Variants in BICC1 observed in about 807,000 individuals in gnomAD.
The protein encoded by BICC1 is protein bicaudal C homolog 1.
In BICC1, 43 loss-of-function variants were observed where a neutral mutation model predicts 111.0. The observed-to-expected ratio is 0.39, with a 90% CI of 0.30 to 0.50. The LOEUF (loss-of-function observed/expected upper bound fraction) is 0.50. Ranked by LOEUF, BICC1 falls within the 20% of genes least tolerant of loss-of-function variation. The pLI is 0.88. For synonymous variants in BICC1, 467 were observed against 434.4 expected, an observed-to-expected ratio of 1.07 and a Z score of -0.93; for missense variants, 1,091 against 1,203.2, an observed-to-expected ratio of 0.91 and a Z score of 1.38.
intron 3 of BICC1, among the ~76,000 whole-genome samples, chr10:58,778,813 G>T (rs1273423866): frequency 6.6e-6 from 1 of 152,168 alleles, no homozygotes; most frequent in Non-Finnish European, 1.5e-5. Context: ...ACTATGTGTG[G>T]CTTGGGCTCT....
chr10:58,526,697 C>T (rs555110596), intron 1 of BICC1, among the ~76,000 whole-genome samples: 44 of 152,202 alleles, frequency 2.9e-4, no homozygotes, highest in Non-Finnish European at 4.9e-4. Context: ...TCTGTCCTTG[C>T]GATAGTTTGC....
rs919618692 is a variant in BICC1, at chr10:58,796,485, T to A, written c.1325T>A (p.Leu442Gln). 8 of 1,614,050 alleles carry A rather than the reference T, an allele frequency of 5.0e-6. No individual in the cohort carries two copies. Among genetic ancestry groups the A allele is most frequent in the Non-Finnish European group, 6.8e-6 (8 of 1,179,970 alleles). Residue 442 changes from leucine (L) to glutamine (Q), a missense_variant, in exon 10 of 21, where the codon CTG becomes CAG. By Grantham distance (113) the Leu-to-Gln change is moderately radical. Coordinates refer to ENST00000373886, the MANE Select transcript of BICC1 (RefSeq NM_001080512.3). ...CCTGCCGGCCTGGCATGTCCCAGCC[T>A]GGATATCTTAGCTTCAGCAGGCCTT... ...SCPAGLACPSLDILASAGLGL... is the reference protein window; with the variant it reads ...SCPAGLACPSQDILASAGLGL...
At chr10:58,739,431 C>A (rs187978998) in intron 3 of BICC1, among the ~76,000 whole-genome samples, 90 of 152,260 alleles carry the variant, frequency 5.9e-4, no homozygotes, top group African/African-American at 1.9e-3. Context: ...AGGGATGAAG[C>A]CAACTTGATC....
rs190257792 is a variant in BICC1, at chr10:58,616,654, G to A, written c.191-4201G>A. ...GACACCAGCACAGATAACGTTTTGG[G>A]CATGGATATTTCACATGGCTTGGCA... On this transcript the variant is annotated intron_variant, in intron 1 of 20. Coordinates refer to ENST00000373886, the MANE Select transcript of BICC1 (RefSeq NM_001080512.3). Among the ~76,000 whole-genome samples, 351 of 152,318 alleles carry A rather than the reference G, an allele frequency of 2.3e-3. 4 individuals carry two copies. Among genetic ancestry groups the A allele is most frequent in the Admixed American group, 0.021 (316 of 15,302 alleles).
Position 58,736,719 on chromosome 10 carries a change from T to G in BICC1, c.307+34576T>G, listed in dbSNP as rs150388510. On this transcript the variant is annotated intron_variant, in intron 3 of 20. Coordinates refer to ENST00000373886, the MANE Select transcript of BICC1 (RefSeq NM_001080512.3). ...TCTGTGTATAAAAATACATATGTAT[T>G]TAAAAGTAGTTAAAGTCATTGTATG... 2.5e-3 allele frequency among the ~76,000 whole-genome samples: 388 copies of G among 152,264 alleles called. 3 individuals carry two copies. The highest frequency in any genetic ancestry group is 8.8e-3 in the African/African-American group (365 of 41,560).
intron 1 of BICC1, among the ~76,000 whole-genome samples, chr10:58,581,028 A>G (rs1044005711): frequency 2.6e-5 from 4 of 152,194 alleles, no homozygotes; most frequent in African/African-American, 9.6e-5. Flanking sequence ...AAAACTTACT[A>G]GATATGTCTA....
At chr10:58,763,954 C>G (rs1432724977) in intron 3 of BICC1, among the ~76,000 whole-genome samples, 1 of 151,936 alleles carries the variant, frequency 6.6e-6, no homozygotes, top group Non-Finnish European at 1.5e-5. Flanking sequence ...GCAGAGAAGA[C>G]AGGAAACTAA....
chr10:58,744,809 G>C (rs1275135821), intron 3 of BICC1, among the ~76,000 whole-genome samples: 1 of 152,100 alleles, frequency 6.6e-6, no homozygotes, highest in East Asian at 1.9e-4. Context: ...GGAGGTCATT[G>C]TGAAGATACT....
intron 17 of BICC1, among the ~76,000 whole-genome samples, chr10:58,807,785 C>G (rs1404604134): frequency 6.6e-6 from 1 of 152,102 alleles, no homozygotes; most frequent in Non-Finnish European, 1.5e-5. Flanking sequence ...TTTTCCATTT[C>G]AAAGTATCAG....
At chr10:58,558,820 G>C (rs556202118) in intron 1 of BICC1, among the ~76,000 whole-genome samples, 1 of 152,018 alleles carries the variant, frequency 6.6e-6, no homozygotes, top group South Asian at 2.1e-4. Flanking sequence ...CCTCATAGAT[G>C]ATGCCTTCTA....
chr10:58,660,253 T>C (rs1057365731), intron 2 of BICC1, among the ~76,000 whole-genome samples: 3 of 152,078 alleles, frequency 2.0e-5, no homozygotes, highest in African/African-American at 7.2e-5. Flanking sequence ...ATTTGTCTTC[T>C]CCCCGACAAC....
intron 1 of BICC1, among the ~76,000 whole-genome samples, chr10:58,530,428 G>A (rs1461318567): frequency 1.3e-5 from 2 of 151,772 alleles, no homozygotes; most frequent in Non-Finnish European, 2.9e-5. Context: ...AGAGTCAAGG[G>A]TTGCCTTCTG....
intron 12 of BICC1, 107 bp downstream of exon 12, chr10:58,799,359 T>G (rs1843464789): frequency 2.7e-6 from 2 of 744,348 alleles, no homozygotes; most frequent in Admixed American, 7.0e-5. Flanking sequence ...TCTCTGCTGT[T>G]TGTAAGAGAT....
chr10:58,694,607 C>G (rs1218512497), intron 2 of BICC1, among the ~76,000 whole-genome samples: 1 of 152,130 alleles, frequency 6.6e-6, no homozygotes, highest in Non-Finnish European at 1.5e-5. Flanking sequence ...TTTGTCCTGT[C>G]CTCTGTTCAG....
intron 1 of BICC1, among the ~76,000 whole-genome samples, chr10:58,563,054 T>C (rs1843654304): frequency 6.6e-6 from 1 of 152,132 alleles, no homozygotes; most frequent in Non-Finnish European, 1.5e-5. Flanking sequence ...TACAGGTTGC[T>C]GTATGGGCTT....
At chr10:58,544,712 A>G (rs1173363189) in intron 1 of BICC1, among the ~76,000 whole-genome samples, 1 of 152,294 alleles carries the variant, frequency 6.6e-6, no homozygotes, top group African/African-American at 2.4e-5. Flanking sequence ...GAATTAATAG[A>G]CATGCATACA....
intron 3 of BICC1, among the ~76,000 whole-genome samples, chr10:58,733,405 CTGTTGCCTTACT>C (rs1180173069): frequency 6.6e-6 from 1 of 152,232 alleles, no homozygotes; most frequent in Non-Finnish European, 1.5e-5. Flanking sequence ...TTACTATTCC[CTGTTGCCTTACT>C]TGGGTATACT....
intron 15 of BICC1, 115 bp from the exon 16 acceptor site, chr10:58,806,469 G>C: frequency 1.1e-6 from 1 of 870,416 alleles, no homozygotes; most frequent in Non-Finnish European, 1.9e-6. Context: ...AAAGCTTGGT[G>C]TATGTCTCAG....
chr10:58,564,083 A>G (rs1403790789), intron 1 of BICC1, among the ~76,000 whole-genome samples: 1 of 152,192 alleles, frequency 6.6e-6, no homozygotes, highest in African/African-American at 2.4e-5. Context: ...AATTTAAAAT[A>G]TTTTTTGTTT....
Sources: allele counts gnomAD v4.1 joint callset (sites outside exome capture counted in the v4.1 genomes callset), GRCh38; gene constraint gnomAD v4.1.1; transcripts MANE v1.5; gene names NCBI Gene and HGNC (gene_info 2026-07-23, HGNC 2026-07-21).